Variants in PRKN observed in about 807,000 individuals in gnomAD.
The protein encoded by PRKN is parkin RBR E3 ubiquitin protein ligase.
A neutral mutation model predicts 59.5 loss-of-function variants in PRKN; 56 were observed. The ratio of observed to expected loss-of-function variants is 0.94; its 90% confidence interval spans 0.76 to 1.18. The LOEUF is 1.18. PRKN is among the 50% of genes most tolerant of loss of function. The probability of loss-of-function intolerance (pLI) is 0.00; values close to 1 mark genes in which losing one functional copy is unlikely to be tolerated. For synonymous variants in PRKN, 250 were observed against 222.1 expected, an observed-to-expected ratio of 1.13 and a Z score of -1.12; for missense variants, 657 against 596.4, an observed-to-expected ratio of 1.10 and a Z score of -1.06.
chr6:162,037,295 ATGCATCACCAAATG>A, intron 5 of PRKN, among the ~76,000 whole-genome samples: 1 of 152,356 alleles, frequency 6.6e-6, no homozygotes, highest in Non-Finnish European at 1.5e-5. Flanking sequence ...AATAAATGGG[ATGCATCACCAAATG>A]TGCTCATAGA....
chr6:162,175,477 T>C (rs1240425030), intron 4 of PRKN, among the ~76,000 whole-genome samples: 2 of 152,140 alleles, frequency 1.3e-5, no homozygotes, highest in Admixed American at 1.3e-4. Context: ...TATAAGACAA[T>C]GTCTTGGAAA....
rs1272311559 is a variant in PRKN at position 161,518,432 on chromosome 6, G to A, written c.1083+30422C>T. 6.6e-6 allele frequency among the ~76,000 whole-genome samples: 1 copy of A among 152,234 alleles called. No individual in the cohort carries two copies. The highest frequency in any genetic ancestry group is 2.4e-5 in the African/African-American group (1 of 41,464). ...GGCGCCTGTAGTCCCAGCTACTTGG[G>A]AGGCTGGGCAGCAGCCTGGGCAGCA... On this transcript the variant is annotated intron_variant, in intron 9 of 11. Coordinates refer to ENST00000366898, the MANE Select transcript of PRKN (RefSeq NM_004562.3). The surrounding 1 kb of genome is among the most constrained non-coding windows in gnomAD (Gnocchi z 5.0).
intron 1 of PRKN, among the ~76,000 whole-genome samples, chr6:162,529,112 A>C (rs372509823): frequency 1.7e-3 from 259 of 152,204 alleles, no homozygotes; most frequent in African/African-American, 6.0e-3. Context: ...GTCCTCAAGC[A>C]ATCTGCCCAC....
chr6:162,423,292 G>A (rs979722780), intron 2 of PRKN, among the ~76,000 whole-genome samples: 6 of 152,102 alleles, frequency 3.9e-5, no homozygotes, highest in African/African-American at 1.4e-4. Flanking sequence ...ATGACAGAGT[G>A]ACTAACTCTG....
chr6:162,003,258 G>A (rs1351889992), intron 5 of PRKN, among the ~76,000 whole-genome samples: 1 of 151,666 alleles, frequency 6.6e-6, no homozygotes, highest in Non-Finnish European at 1.5e-5. Flanking sequence ...CGAGTAGATG[G>A]GTTATAAGGA....
At chr6:162,186,980 A>C (rs9347598) in intron 4 of PRKN, among the ~76,000 whole-genome samples, 2 of 152,176 alleles carry the variant, frequency 1.3e-5, no homozygotes, top group East Asian at 3.9e-4. Flanking sequence ...GAGTGAGTTC[A>C]GGTCTGACCC....
chr6:161,914,624 A>C (rs1464360635), intron 6 of PRKN, among the ~76,000 whole-genome samples: 1 of 151,994 alleles, frequency 6.6e-6, no homozygotes, highest in Admixed American at 6.6e-5. Context: ...CCAAAGCACA[A>C]AACCTAGGAG....
intron 5 of PRKN, among the ~76,000 whole-genome samples, chr6:162,021,457 ATATATTTT>A (rs66510133): frequency 0.3 from 24,838 of 83,240 alleles, 2,600 homozygotes; most frequent in East Asian, 0.49. Flanking sequence ...ATATATATAT[ATATATTTT>A]TTTTTTTTTT....
In PRKN at chr6:162,060,259, G is replaced by A. The variant is rs938205375; in HGVS notation, c.535-6085C>T. 5.3e-5 allele frequency among the ~76,000 whole-genome samples: 8 copies of A among 152,158 alleles called. No individual in the cohort carries two copies. In the East Asian group the frequency reaches 7.7e-4, roughly 15 times the overall value. Reference sequence around the variant, plus strand: ...GAGAAATTACAATGAAAACCTTAGTGCTGTTGACCTGAGAATTCCGAGAAG... The same window carrying A: ...GAGAAATTACAATGAAAACCTTAGTACTGTTGACCTGAGAATTCCGAGAAG... On this transcript the variant is annotated intron_variant, in intron 4 of 11. Coordinates refer to ENST00000366898, the MANE Select transcript of PRKN (RefSeq NM_004562.3).
chr6:161,556,676 A>G (rs1780250762), intron 8 of PRKN, among the ~76,000 whole-genome samples: 1 of 152,228 alleles, frequency 6.6e-6, no homozygotes, highest in African/African-American at 2.4e-5. Context: ...GGAAGGGAAC[A>G]AACACTTCCC....
At chr6:162,563,968 CAG>C (rs1779955078) in intron 1 of PRKN, among the ~76,000 whole-genome samples, 6 of 141,710 alleles carry the variant, frequency 4.2e-5, no homozygotes, top group Admixed American at 1.5e-4. Flanking sequence ...TTTGAAAATA[CAG>C]AGTCTGAGGA....
chr6:162,248,532 T>C (rs1366211776), intron 3 of PRKN, among the ~76,000 whole-genome samples: 1 of 152,068 alleles, frequency 6.6e-6, no homozygotes. Context: ...CAGAAAGGAG[T>C]GTGCCAGATA....
intron 2 of PRKN, among the ~76,000 whole-genome samples, chr6:162,385,789 T>A (rs1257774787): frequency 6.6e-6 from 1 of 152,038 alleles, no homozygotes; most frequent in Admixed American, 6.6e-5. Context: ...AAATGATATA[T>A]TGTTTTCTGA....
At chr6:162,219,402 A>G (rs1385201767) in intron 3 of PRKN, among the ~76,000 whole-genome samples, 2 of 152,274 alleles carry the variant, frequency 1.3e-5, no homozygotes, top group South Asian at 2.1e-4. Flanking sequence ...TCTACTGTTC[A>G]TTATTGGCTT....
At chr6:162,466,201 T>C (rs1342605154) in intron 1 of PRKN, among the ~76,000 whole-genome samples, 1 of 152,246 alleles carries the variant, frequency 6.6e-6, no homozygotes, top group African/African-American at 2.4e-5. Context: ...ATAGCTGTGA[T>C]AAATTACTTC....
At chr6:161,817,824 C>A (rs558239006) in intron 6 of PRKN, among the ~76,000 whole-genome samples, 48 of 152,272 alleles carry the variant, frequency 3.2e-4, no homozygotes, top group African/African-American at 1.2e-3. Flanking sequence ...TAAATTTCCT[C>A]AACCCAATAT....
At position 161,361,619 on chromosome 6, in the gene PRKN, C is replaced by T. The variant is rs2114863633; in HGVS notation, c.1168-1414G>A. Reference sequence around the variant, plus strand: ...GTGGTATCCCTGACAGTGGTGGGGGCACCACAGACAAGCTTTGCCTAGGGC... The same window carrying T: ...GTGGTATCCCTGACAGTGGTGGGGGTACCACAGACAAGCTTTGCCTAGGGC... On this transcript the variant is annotated intron_variant, in intron 10 of 11. Coordinates refer to ENST00000366898, the MANE Select transcript of PRKN (RefSeq NM_004562.3). The surrounding 1 kb of genome is among the most constrained non-coding windows in gnomAD (Gnocchi z 5.2). Among the ~76,000 whole-genome samples the T allele has an allele frequency of 6.6e-6, 1 of 152,310 alleles. No individual in the cohort carries two copies. Among genetic ancestry groups the T allele is most frequent in the South Asian group, 2.1e-4 (1 of 4,824 alleles).
Position 162,490,931 on chromosome 6 carries a change from C to T in PRKN, c.8-47458G>A, listed in dbSNP as rs570686782. ...GGTGGATCACTTGAGGCCAGAAGCT[C>T]GAGGCCACCCTGGCCAACATGGCAA... On this transcript the variant is annotated intron_variant, in intron 1 of 11. Transcript: ENST00000366898. Among the ~76,000 whole-genome samples, 73 of 151,998 alleles carry T rather than the reference C, an allele frequency of 4.8e-4. 1 individual carries two copies. Among genetic ancestry groups the T allele is most frequent in the African/African-American group, 1.7e-3 (72 of 41,406 alleles).
chr6:162,171,598 T>A (rs973175879), intron 4 of PRKN, among the ~76,000 whole-genome samples: 2 of 152,108 alleles, frequency 1.3e-5, no homozygotes, highest in Non-Finnish European at 2.9e-5. Flanking sequence ...AATCAGGGTC[T>A]TTTAGTTTCT....
Sources: gnomAD v4.1 joint callset for allele counts (sites outside exome capture counted in the v4.1 genomes callset) on GRCh38, gnomAD v4.1.1 for gene constraint, Gnocchi (gnomAD v3.1) non-coding constraint, MANE v1.5 for transcripts, NCBI Gene and HGNC (gene_info 2026-07-23, HGNC 2026-07-21) for gene names.